The following PEPD variants were observed in gnomAD, a reference collection of about 807,000 sequenced individuals.
The protein encoded by PEPD is xaa-Pro dipeptidase.
Under a neutral mutation model 60.7 loss-of-function variants are expected in PEPD, and 53 were observed. That is an observed-to-expected ratio of 0.87 (90% CI 0.70 to 1.10). The LOEUF (loss-of-function observed/expected upper bound fraction) is 1.10, where lower values mean the gene tolerates loss of function less well. PEPD is among the 50% of genes least tolerant of loss of function. PEPD has a pLI of 0.00. For missense variants in PEPD, 711 were observed against 711.9 expected (o/e 1.00, Z 0.01); for synonymous variants, 267 against 284.1 (o/e 0.94, Z 0.60).
intron 1 of PEPD, among the ~76,000 whole-genome samples, chr19:33,516,912 T>TA (rs1192903008): frequency 1.3e-5 from 2 of 152,122 alleles, no homozygotes; most frequent in African/African-American, 2.4e-5. Context: ...ACTTCAAAGT[T>TA]AAAGTAGTTG....
chr19:33,498,397 G>A (rs1282648357), intron 4 of PEPD, among the ~76,000 whole-genome samples: 3 of 152,182 alleles, frequency 2.0e-5, no homozygotes, highest in Non-Finnish European at 4.4e-5. Context: ...AACACTCAAG[G>A]TGGCCTGTCT....
chr19:33,435,736 G>A (rs1969363286), intron 9 of PEPD, among the ~76,000 whole-genome samples: 1 of 152,250 alleles, frequency 6.6e-6, no homozygotes, highest in Admixed American at 6.5e-5. Flanking sequence ...AATCACGACA[G>A]GACTGGGTGT....
intron 9 of PEPD, among the ~76,000 whole-genome samples, chr19:33,428,701 T>G (rs1384649262): frequency 1.3e-5 from 2 of 152,188 alleles, no homozygotes; most frequent in Non-Finnish European, 2.9e-5. Flanking sequence ...TGCAGAACTT[T>G]CAGCCTGGCA....
At chr19:33,467,209 C>G (rs1438888578) in intron 7 of PEPD, among the ~76,000 whole-genome samples, 2 of 151,496 alleles carry the variant, frequency 1.3e-5, no homozygotes, top group Non-Finnish European at 2.9e-5. Context: ...TTTATGTGCT[C>G]TTGATGCTAG....
At chr19:33,422,785 CCTCCCTCT>C (rs970649716) in intron 9 of PEPD, among the ~76,000 whole-genome samples, 2 of 139,700 alleles carry the variant, frequency 1.4e-5, no homozygotes, top group African/African-American at 5.5e-5. Context: ...TCCATCCCTC[CCTCCCTCT>C]ATCTATCCAT....
At position 33,500,979 on chromosome 19, in the gene PEPD, T is replaced by C. The variant is rs774763259; in HGVS notation, c.352A>G (p.Lys118Glu). ...MGKIHSKEHF[K>E]EKYAVDDVQY... Reference sequence around the variant, plus strand: ...ACGTCGTCCACGGCATACTTCTCCTTGAAGTGCTCCTTGGAATGGATCCTC... The same window carrying C: ...ACGTCGTCCACGGCATACTTCTCCTCGAAGTGCTCCTTGGAATGGATCCTC... Residue 118 changes from lysine to glutamate, a missense_variant, in exon 4 of 15, where the codon AAG becomes GAG. By Grantham distance (56) the Lys-to-Glu change is moderately conservative (BLOSUM62 1). Transcript: ENST00000244137. 2 of 1,603,134 alleles carry C rather than the reference T, an allele frequency of 1.2e-6. No homozygotes were observed. Among genetic ancestry groups the C allele is most frequent in the Admixed American group, 3.3e-5 (2 of 60,002 alleles).
chr19:33,471,300 G>A lies in PEPD; in HGVS notation c.548+6746C>T, dbSNP rs183279629. On this transcript the variant is annotated intron_variant, in intron 7 of 14. Coordinates refer to ENST00000244137, the MANE Select transcript of PEPD (RefSeq NM_000285.4). ...TCTGGGCCTGAAGTCTCACCCAGGCGCCAGGCATAGAGGGATGCACCCCAG... is the reference window on the plus strand; with the variant it reads ...TCTGGGCCTGAAGTCTCACCCAGGCACCAGGCATAGAGGGATGCACCCCAG... Among the ~76,000 whole-genome samples, 32 of 152,220 alleles carry A rather than the reference G, an allele frequency of 2.1e-4. No individual in the cohort carries two copies. In the East Asian group the frequency reaches 3.9e-3, roughly 18 times the overall value.
intron 9 of PEPD, among the ~76,000 whole-genome samples, chr19:33,451,531 G>GA (rs1479632167): frequency 6.6e-6 from 1 of 151,928 alleles, no homozygotes; most frequent in Non-Finnish European, 1.5e-5. Flanking sequence ...AGCCACAAAG[G>GA]AAAAAACAGA....
chr19:33,394,852 C>T (rs1968325206), intron 12 of PEPD, among the ~76,000 whole-genome samples: 1 of 152,202 alleles, frequency 6.6e-6, no homozygotes, highest in Non-Finnish European at 1.5e-5. Context: ...CAGCAAGCAC[C>T]AAACCTCATT....
At chr19:33,490,848 A>T (rs991126430) in intron 5 of PEPD, among the ~76,000 whole-genome samples, 2 of 151,862 alleles carry the variant, frequency 1.3e-5, no homozygotes, top group Non-Finnish European at 2.9e-5. Context: ...TTTTTAGTAG[A>T]GACATGGTTT....
rs200435937 is a variant in PEPD, at chr19:33,512,690, C to T, written c.104G>A (p.Arg35Gln). 575 of 1,614,046 alleles carry T rather than the reference C, an allele frequency of 3.6e-4. No homozygotes were observed. In the African/African-American group the frequency reaches 3.7e-3, roughly 10 times the overall value. The stretch of plus-strand genomic sequence containing the variant: ...GCCGGCCTGCACAGCAGGGTTCTTC[C>T]GCAGCCGCTCACACAGGCGCTGCCG... ...LNRQRLCERL[R>Q]KNPAVQAGSI... The change falls in exon 2 of 15, where the codon CGG becomes CAG. Residue 35 changes from arginine to glutamine, a missense_variant. Physicochemically the swap from Arg to Gln is conservative, Grantham distance 43. Transcript: ENST00000244137.
intron 9 of PEPD, among the ~76,000 whole-genome samples, chr19:33,446,391 C>T (rs142685372): frequency 4.5e-4 from 68 of 152,350 alleles, no homozygotes; most frequent in Non-Finnish European, 8.4e-4. Flanking sequence ...TGGGGAGAGA[C>T]GCACTGGCTG....
chr19:33,460,007 G>A lies in PEPD; in HGVS notation c.671+2988C>T, dbSNP rs541890199. Among the ~76,000 whole-genome samples, 8 of 152,236 alleles carry A rather than the reference G, an allele frequency of 5.3e-5. No homozygotes were observed. In the South Asian group the frequency reaches 1.2e-3, roughly 24 times the overall value. ...TTTCCTTTGAACCCAGTGAGTCAGCGATTCACACAGCAGTGCAGCTGCCCC... is the reference window on the plus strand; with the variant it reads ...TTTCCTTTGAACCCAGTGAGTCAGCAATTCACACAGCAGTGCAGCTGCCCC... On this transcript the variant is annotated intron_variant, in intron 9 of 14. Transcript: ENST00000244137.
At chr19:33,473,388 T>A (rs1289218277) in intron 7 of PEPD, among the ~76,000 whole-genome samples, 2 of 152,120 alleles carry the variant, frequency 1.3e-5, no homozygotes, top group African/African-American at 4.8e-5. Flanking sequence ...CGTCTACCTG[T>A]GAACCAACCA....
At chr19:33,417,767 T>A (rs1229736718) in intron 9 of PEPD, among the ~76,000 whole-genome samples, 3 of 152,186 alleles carry the variant, frequency 2.0e-5, no homozygotes, top group African/African-American at 7.2e-5. Flanking sequence ...GTCGTGGGCA[T>A]CCTGTGCCAG....
At chr19:33,494,372 T>C (rs777511975) in intron 4 of PEPD, among the ~76,000 whole-genome samples, 11 of 152,358 alleles carry the variant, frequency 7.2e-5, no homozygotes, top group East Asian at 1.9e-4. Context: ...GTATTTAACA[T>C]AGACATTTTG....
intron 3 of PEPD, among the ~76,000 whole-genome samples, chr19:33,510,463 CA>C (rs1437108841): frequency 6.6e-6 from 1 of 152,184 alleles, no homozygotes; most frequent in Admixed American, 6.5e-5. Context: ...ACATAGGGCT[CA>C]GGGGATTGGT....
intron 4 of PEPD, among the ~76,000 whole-genome samples, chr19:33,494,076 C>A (rs903209243): frequency 6.6e-6 from 1 of 152,232 alleles, no homozygotes; most frequent in Non-Finnish European, 1.5e-5. Flanking sequence ...GCCCCACTGA[C>A]AGTCACCATT....
intron 13 of PEPD, among the ~76,000 whole-genome samples, chr19:33,389,421 C>T (rs564442155): frequency 6.6e-6 from 1 of 152,266 alleles, no homozygotes; most frequent in Admixed American, 6.5e-5. Context: ...CTGTCTCCTG[C>T]CCAGAAGCTG....
Sources: allele counts gnomAD v4.1 joint callset (sites outside exome capture counted in the v4.1 genomes callset), GRCh38; gene constraint gnomAD v4.1.1; transcripts MANE v1.5; gene names NCBI Gene and HGNC (gene_info 2026-07-23, HGNC 2026-07-21).